UNC13B: variants seen among roughly 807,000 people sequenced by gnomAD.
The protein encoded by UNC13B is protein unc-13 homolog B.
A neutral mutation model predicts 211.0 loss-of-function variants in UNC13B; 144 were observed. That is an observed-to-expected ratio of 0.68 (90% CI 0.60 to 0.78). The LOEUF (loss-of-function observed/expected upper bound fraction) is 0.78, where lower values mean the gene tolerates loss of function less well. Among genes scored for constraint, UNC13B ranks in the 30% least tolerant of loss-of-function variants. The probability of loss-of-function intolerance (pLI) is 0.00; values close to 1 mark genes in which losing one functional copy is unlikely to be tolerated. For synonymous variants in UNC13B, 709 were observed against 725.8 expected, an observed-to-expected ratio of 0.98 and a Z score of 0.37; for missense variants, 1,777 against 2,002.0, an observed-to-expected ratio of 0.89 and a Z score of 2.14.
At chr9:35,397,428 A>G (rs1017089284) in intron 29 of UNC13B, 118 bp downstream of exon 29, 60 of 1,484,706 alleles carry the variant, frequency 4.0e-5, no homozygotes, top group Non-Finnish European at 5.5e-6. Context: ...TGTGACCCCC[A>G]TTCTCCTTTG....
At chr9:35,277,178 G>T (rs1828224896) in intron 7 of UNC13B, among the ~76,000 whole-genome samples, 1 of 152,144 alleles carries the variant, frequency 6.6e-6, no homozygotes, top group African/African-American at 2.4e-5. Flanking sequence ...TTTAGGGAAA[G>T]ACAATTTAAC....
intron 1 of UNC13B, among the ~76,000 whole-genome samples, chr9:35,197,059 C>T (rs938425444): frequency 6.6e-6 from 1 of 152,142 alleles, no homozygotes; most frequent in Non-Finnish European, 1.5e-5. Flanking sequence ...GCTTGACCTA[C>T]TGAACCTGGC....
At chr9:35,391,948 G>A (rs1322597457) in intron 26 of UNC13B, among the ~76,000 whole-genome samples, 1 of 152,214 alleles carries the variant, frequency 6.6e-6, no homozygotes, top group East Asian at 1.9e-4. Flanking sequence ...TGAAAGGGGA[G>A]TTCTGCTAAT....
chr9:35,252,684 A>T (rs1252007092), intron 6 of UNC13B, among the ~76,000 whole-genome samples: 1 of 151,766 alleles, frequency 6.6e-6, no homozygotes, highest in Admixed American at 6.6e-5. Context: ...CAATCCCAGC[A>T]CTTTGGGAGG....
At chr9:35,393,529 C>T (rs147650279) in intron 26 of UNC13B, among the ~76,000 whole-genome samples, 193 of 149,052 alleles carry the variant, frequency 1.3e-3, no homozygotes, top group Non-Finnish European at 2.1e-3. Context: ...GGAGTCAGAT[C>T]GTGAAGGAGG....
At chr9:35,210,084 AT>A (rs545937653) in intron 1 of UNC13B, among the ~76,000 whole-genome samples, 10 of 151,686 alleles carry the variant, frequency 6.6e-5, no homozygotes, top group East Asian at 3.9e-4. Flanking sequence ...TAAAAAAAAA[AT>A]TTTTTTTTCC....
chr9:35,229,384 C>T (rs1057177393), intron 2 of UNC13B, among the ~76,000 whole-genome samples: 5 of 152,110 alleles, frequency 3.3e-5, no homozygotes. Context: ...TTCTGAGAAT[C>T]TGCTCTGTTG....
rs537119470 is a variant in UNC13B at position 35,278,028 on chromosome 9, A to G, written c.527-17668A>G. Among the ~76,000 whole-genome samples, 313 of 152,326 alleles carry G rather than the reference A, an allele frequency of 2.1e-3. 3 individuals are homozygous for G. The highest frequency in any genetic ancestry group is 1.1e-3 in the Non-Finnish European group (75 of 68,022). On this transcript the variant is annotated intron_variant, in intron 7 of 39. Coordinates refer to ENST00000635942, the MANE Select transcript of UNC13B (RefSeq NM_001371189.2). ...TGAAAGAACTAATCGAGATGTGTTC[A>G]TTGAAATGAGAGATTGTTCACAGTA...
chr9:35,176,123 G>T (rs753298599), intron 1 of UNC13B, among the ~76,000 whole-genome samples: 6 of 151,950 alleles, frequency 3.9e-5, no homozygotes, highest in Non-Finnish European at 7.4e-5. Flanking sequence ...GTCAAGATGA[G>T]ATGGGGAAGG....
At chr9:35,284,717 T>C (rs984067605) in intron 7 of UNC13B, among the ~76,000 whole-genome samples, 2 of 152,184 alleles carry the variant, frequency 1.3e-5, no homozygotes, top group Non-Finnish European at 2.9e-5. Context: ...ATCAACTGTC[T>C]AGAAAAAGGG....
rs1836160362 is a variant in UNC13B at position 35,399,732 on chromosome 9, G to A, written c.12336+3G>A. 6.2e-7 allele frequency: 1 copy of A among 1,614,046 alleles called. No homozygotes were observed. Among genetic ancestry groups the A allele is most frequent in the Non-Finnish European group, 8.5e-7 (1 of 1,179,978 alleles). ...ACCTCGCCCTGGACACCATCAAGGT[G>A]GAGGCCCCCCCTTTTTCAGACAGTC... is the stretch of plus-strand genomic sequence containing the variant. On this transcript the variant is annotated splice_donor_region_variant and intron_variant, in intron 36 of 39. Coordinates refer to ENST00000635942, the MANE Select transcript of UNC13B (RefSeq NM_001371189.2).
At chr9:35,342,941 C>T (rs924201101) in intron 11 of UNC13B, among the ~76,000 whole-genome samples, 6 of 152,122 alleles carry the variant, frequency 3.9e-5, no homozygotes, top group Non-Finnish European at 8.8e-5. Context: ...GAGAAAAAAC[C>T]ACCATCCTAA....
At chr9:35,285,444 G>A (rs1231036941) in intron 7 of UNC13B, among the ~76,000 whole-genome samples, 12 of 152,104 alleles carry the variant, frequency 7.9e-5, no homozygotes, top group Admixed American at 7.9e-4. Flanking sequence ...AGATGGCCAG[G>A]CACATGGTTC....
intron 24 of UNC13B, 45 bp from the exon 25 acceptor site, chr9:35,389,801 C>G: frequency 6.2e-7 from 1 of 1,607,912 alleles, no homozygotes; most frequent in Non-Finnish European, 8.5e-7. Context: ...CTACATTCTA[C>G]TCTGACTCTT....
chr9:35,333,603 C>G (rs1213685188), intron 11 of UNC13B, among the ~76,000 whole-genome samples: 1 of 152,214 alleles, frequency 6.6e-6, no homozygotes, highest in Admixed American at 6.5e-5. Context: ...CTTAAATATC[C>G]TTTCCTTTTA....
At chr9:35,358,685 C>G (rs1302376670) in intron 11 of UNC13B, among the ~76,000 whole-genome samples, 1 of 136,092 alleles carries the variant, frequency 7.3e-6, no homozygotes, top group African/African-American at 2.8e-5. Flanking sequence ...ATATTTAGGT[C>G]TATGATTTTT....
chr9:35,167,742 C>A (rs752329202), intron 1 of UNC13B, among the ~76,000 whole-genome samples: 50 of 150,136 alleles, frequency 3.3e-4, no homozygotes, highest in Non-Finnish European at 5.9e-4. Flanking sequence ...TGCCTGCCAC[C>A]ATGCCTGGCT....
chr9:35,214,958 T>G (rs538739701), intron 1 of UNC13B, among the ~76,000 whole-genome samples: 8 of 152,330 alleles, frequency 5.3e-5, no homozygotes, highest in Admixed American at 5.2e-4. Flanking sequence ...GAACAATCCT[T>G]GGCACATAGT....
intron 5 of UNC13B, among the ~76,000 whole-genome samples, chr9:35,243,016 A>C (rs577169441): frequency 5.9e-5 from 9 of 152,310 alleles, no homozygotes; most frequent in African/African-American, 2.2e-4. Flanking sequence ...ATCATGGCTC[A>C]TCTCTTTATA....
Sources: allele counts gnomAD v4.1 joint callset (sites outside exome capture counted in the v4.1 genomes callset), GRCh38; gene constraint gnomAD v4.1.1; transcripts MANE v1.5; gene names NCBI Gene and HGNC (gene_info 2026-07-23, HGNC 2026-07-21).